SEMA3A: variants seen among roughly 807,000 people sequenced by gnomAD.
SEMA3A encodes semaphorin 3A, also known as semaphorin-3A.
Under a neutral mutation model 97.9 loss-of-function variants are expected in SEMA3A, and 29 were observed. The ratio of observed to expected loss-of-function variants is 0.30; its 90% CI spans 0.22 to 0.40. The LOEUF is 0.40. Ranked by LOEUF, SEMA3A falls within the 10% of genes least tolerant of loss-of-function variation. The pLI, the probability that SEMA3A is intolerant of heterozygous loss-of-function variation, is 1.00. For synonymous variants in SEMA3A, 321 were observed against 323.7 expected (o/e 0.99, Z 0.09); for missense variants, 763 against 951.3 (o/e 0.80, Z 2.60).
intron 1 of SEMA3A, among the ~76,000 whole-genome samples, chr7:84,193,469 A>G (rs963978287): frequency 6.6e-6 from 1 of 152,056 alleles, no homozygotes; most frequent in Non-Finnish European, 1.5e-5. Flanking sequence ...AATTTTAGAA[A>G]TCTGAGAATC....
intron 1 of SEMA3A, among the ~76,000 whole-genome samples, chr7:84,455,595 G>C (rs1364411282): frequency 6.6e-6 from 1 of 151,874 alleles, no homozygotes; most frequent in South Asian, 2.1e-4. Context: ...TTCTTCATTT[G>C]AAGACTTTTT....
intron 1 of SEMA3A, among the ~76,000 whole-genome samples, chr7:84,171,488 A>T (rs199824859): frequency 1.3e-5 from 2 of 152,154 alleles, no homozygotes; most frequent in East Asian, 1.9e-4. Flanking sequence ...CAAAGATTGG[A>T]GAGTGTTCTA....
chr7:84,146,079 T>C (rs1383792909), intron 1 of SEMA3A, among the ~76,000 whole-genome samples: 2 of 152,208 alleles, frequency 1.3e-5, no homozygotes, highest in Non-Finnish European at 2.9e-5. Context: ...GACTTGAGAA[T>C]TAGCAGACAT....
intron 2 of SEMA3A, among the ~76,000 whole-genome samples, chr7:84,350,258 G>A (rs1364878880): frequency 2.6e-5 from 4 of 151,560 alleles, no homozygotes; most frequent in African/African-American, 9.7e-5. Flanking sequence ...CTTTACTGTG[G>A]CCCAACACAC....
chr7:84,086,034 T>C (rs1036841012), intron 4 of SEMA3A, among the ~76,000 whole-genome samples: 2 of 152,158 alleles, frequency 1.3e-5, no homozygotes, highest in African/African-American at 4.8e-5. Context: ...GGGGCCAGAA[T>C]AATGCTATTT....
intron 12 of SEMA3A, among the ~76,000 whole-genome samples, chr7:83,991,097 CA>C (rs1789905513): frequency 6.7e-6 from 1 of 149,744 alleles, no homozygotes; most frequent in African/African-American, 2.4e-5. Flanking sequence ...AATGGGAGTT[CA>C]CTCATGATTT....
intron 9 of SEMA3A, 29 bp downstream of exon 9, chr7:84,010,993 T>G: frequency 6.7e-7 from 1 of 1,501,872 alleles, no homozygotes; most frequent in Admixed American, 2.0e-5. Context: ...AACATTAAGT[T>G]TCTATAAGGT....
intron 1 of SEMA3A, among the ~76,000 whole-genome samples, chr7:84,488,138 T>G (rs1296541744): frequency 6.6e-6 from 1 of 151,930 alleles, no homozygotes; most frequent in Non-Finnish European, 1.5e-5. Context: ...AAGATATAAG[T>G]TTTTTTGTCA....
chr7:84,259,962 A>T (rs1011047468), intron 3 of SEMA3A, among the ~76,000 whole-genome samples: 55 of 152,292 alleles, frequency 3.6e-4, no homozygotes, highest in Non-Finnish European at 1.3e-4. Context: ...GCCGATACAC[A>T]GCAAAACTTT....
At chr7:84,213,311 C>T (rs1272835668) in intron 3 of SEMA3A, among the ~76,000 whole-genome samples, 1 of 152,046 alleles carries the variant, frequency 6.6e-6, no homozygotes, top group Non-Finnish European at 1.5e-5. Context: ...AAGTCTTGCT[C>T]TGTCATCCAG....
At chr7:84,051,184 G>A (rs1478596616) in intron 5 of SEMA3A, among the ~76,000 whole-genome samples, 2 of 149,028 alleles carry the variant, frequency 1.3e-5, no homozygotes, top group African/African-American at 4.9e-5. Context: ...GATTGACTTT[G>A]CAATGCGGGC....
At chr7:84,143,939 T>A (rs920266529) in intron 1 of SEMA3A, among the ~76,000 whole-genome samples, 4 of 142,100 alleles carry the variant, frequency 2.8e-5, no homozygotes, top group Non-Finnish European at 6.1e-5. Flanking sequence ...TCTCTCTCTC[T>A]CTCTCTCTCT....
At chr7:84,413,617 C>CA (rs755222303) in intron 1 of SEMA3A, among the ~76,000 whole-genome samples, 9 of 151,926 alleles carry the variant, frequency 5.9e-5, no homozygotes, top group Non-Finnish European at 8.8e-5. Context: ...GACAGGGTGT[C>CA]AGAGTGAGAC....
chr7:84,205,586 CCA>C (rs1798472402), intron 3 of SEMA3A, among the ~76,000 whole-genome samples: 3 of 151,976 alleles, frequency 2.0e-5, no homozygotes, highest in Admixed American at 6.6e-5. Flanking sequence ...ATAATAATTT[CCA>C]GAAGTCTAGA....
intron 1 of SEMA3A, among the ~76,000 whole-genome samples, chr7:84,377,662 G>T (rs955952699): frequency 1.8e-4 from 28 of 152,168 alleles, no homozygotes; most frequent in African/African-American, 6.3e-4. Flanking sequence ...GCCTGAGGTT[G>T]TACAATATTA....
Position 83,996,593 on chromosome 7 carries a change from G to A in SEMA3A, c.1452+5362C>T, listed in dbSNP as rs182644218. On this transcript the variant is annotated intron_variant, in intron 12 of 16. Coordinates refer to ENST00000265362, the MANE Select transcript of SEMA3A (RefSeq NM_006080.3). The stretch of plus-strand genomic sequence containing the variant: ...TGGGATTAGAGGTGTGAGCCACCAC[G>A]CCCAGCCTTTACTAGTAATCTTAAT... Among the ~76,000 whole-genome samples the A allele has an allele frequency of 6.6e-4, 100 of 152,084 alleles. 1 individual carries two copies. Among genetic ancestry groups the A allele is most frequent in the African/African-American group, 2.4e-3 (98 of 41,496 alleles).
intron 3 of SEMA3A, among the ~76,000 whole-genome samples, chr7:84,124,765 A>C (rs1795739939): frequency 6.6e-6 from 1 of 152,172 alleles, no homozygotes; most frequent in South Asian, 2.1e-4. Context: ...ATATTAAGAA[A>C]GAAATGCAAA....
intron 12 of SEMA3A, among the ~76,000 whole-genome samples, chr7:83,991,205 T>G (rs1789911178): frequency 6.6e-6 from 1 of 151,972 alleles, no homozygotes; most frequent in African/African-American, 2.4e-5. Flanking sequence ...CTTATCAGCT[T>G]AAGGAGATTT....
At chr7:84,219,873 G>A (rs557914610) in intron 3 of SEMA3A, among the ~76,000 whole-genome samples, 28 of 152,118 alleles carry the variant, frequency 1.8e-4, no homozygotes, top group Non-Finnish European at 3.5e-4. Flanking sequence ...TCTTTTTCTG[G>A]TGAAGGGTCT....
Sources: gnomAD v4.1 joint callset for allele counts (sites outside exome capture counted in the v4.1 genomes callset) on GRCh38, gnomAD v4.1.1 for gene constraint, MANE v1.5 for transcripts, NCBI Gene and HGNC (gene_info 2026-07-23, HGNC 2026-07-21) for gene names.